Variants in ZBTB20 observed in about 807,000 individuals in gnomAD.
The protein encoded by ZBTB20 is zinc finger and BTB domain containing 20, also known as zinc finger and BTB domain-containing protein 20.
A neutral mutation model predicts 56.9 loss-of-function variants in ZBTB20; 9 were observed. That is an observed-to-expected ratio of 0.16 (90% CI 0.10 to 0.28). The LOEUF (loss-of-function observed/expected upper bound fraction) is 0.28, where lower values mean the gene tolerates loss of function less well. Among genes scored for constraint, ZBTB20 ranks in the 10% least tolerant of loss-of-function variants. The pLI is 1.00. For synonymous variants in ZBTB20, 417 were observed against 420.7 expected (o/e 0.99, Z 0.11); for missense variants, 655 against 1,003.0 (o/e 0.65, Z 4.69).
chr3:114,465,945 G>A (rs773353298), intron 7 of ZBTB20, among the ~76,000 whole-genome samples: 31 of 152,002 alleles, frequency 2.0e-4, no homozygotes, highest in Non-Finnish European at 4.4e-4. Flanking sequence ...GAGTATCCAG[G>A]ATTTCCTTTG....
At chr3:114,454,330 G>C (rs1220478225) in intron 7 of ZBTB20, among the ~76,000 whole-genome samples, 2 of 151,584 alleles carry the variant, frequency 1.3e-5, no homozygotes, top group Admixed American at 1.3e-4. Flanking sequence ...AATGAACTTG[G>C]GTAACCCCCC....
chr3:114,884,402 T>C (rs1446048682), intron 4 of ZBTB20, among the ~76,000 whole-genome samples: 1 of 152,218 alleles, frequency 6.6e-6, no homozygotes, highest in East Asian at 1.9e-4. Context: ...ATGTTCACAG[T>C]AGACGGCCTA....
intron 6 of ZBTB20, among the ~76,000 whole-genome samples, chr3:114,546,417 C>G (rs1352131120): frequency 3.3e-5 from 5 of 152,146 alleles, no homozygotes; most frequent in Non-Finnish European, 7.3e-5. Flanking sequence ...TGGTAGAACA[C>G]ATCTGAGACC....
chr3:115,115,024 C>A (rs1411846326), intron 1 of ZBTB20, among the ~76,000 whole-genome samples: 1 of 152,058 alleles, frequency 6.6e-6, no homozygotes, highest in African/African-American at 2.4e-5. Flanking sequence ...GGCCCATTCT[C>A]CATCTTATTA....
Position 114,338,961 on chromosome 3 carries a change from G to C in ZBTB20, c.*44C>G. 1 of 1,454,478 alleles carries C rather than the reference G, an allele frequency of 6.9e-7. No homozygotes were observed. Among genetic ancestry groups the C allele is most frequent in the Non-Finnish European group, 9.1e-7 (1 of 1,097,396 alleles). The allele number at this position is 1,454,478 out of a possible 1,614,324, so 90.1% of individuals were successfully genotyped here. A position where few individuals can be genotyped will look rare whatever the true frequency, so the allele number is the denominator to read the frequency against. On this transcript the variant is annotated 3_prime_UTR_variant, in exon 12 of 12. Transcript: ENST00000675478. Reference sequence around the variant, plus strand: ...TAGCTTTTTTGTTTGTTTGTTTTTTGTTGTTGTTTTGTTTTGTTCATAAGA... The same window carrying C: ...TAGCTTTTTTGTTTGTTTGTTTTTTCTTGTTGTTTTGTTTTGTTCATAAGA...
At chr3:115,046,763 G>A (rs1441864256) in intron 2 of ZBTB20, among the ~76,000 whole-genome samples, 1 of 152,110 alleles carries the variant, frequency 6.6e-6, no homozygotes, top group African/African-American at 2.4e-5. Flanking sequence ...GGGCAAGTCT[G>A]GTTCTCCATA....
chr3:114,390,478 G>A (rs1403716500), intron 7 of ZBTB20, among the ~76,000 whole-genome samples: 8 of 152,102 alleles, frequency 5.3e-5, no homozygotes, highest in Admixed American at 5.2e-4. Context: ...TAACCCTGAG[G>A]ACACCGAATT....
chr3:114,607,526 C>T (rs377600850), intron 6 of ZBTB20, among the ~76,000 whole-genome samples: 1 of 152,066 alleles, frequency 6.6e-6, no homozygotes. Context: ...TGGTCTCGAA[C>T]TCCCGACCTC....
intron 7 of ZBTB20, among the ~76,000 whole-genome samples, chr3:114,443,322 C>T (rs2091050598): frequency 6.6e-6 from 1 of 152,172 alleles, no homozygotes; most frequent in African/African-American, 2.4e-5. Flanking sequence ...GTGTAACAAG[C>T]TCATTAATCA....
rs572004312 is a variant in ZBTB20 at position 114,976,948 on chromosome 3, C to T, written c.-506-2532G>A. On this transcript the variant is annotated intron_variant, in intron 2 of 11. Transcript: ENST00000675478. ...TGAATATGAAAAAGTCACCATCTTT[C>T]GTATACCTGAATCAATCAAACTCTG... Among the ~76,000 whole-genome samples, 8 of 151,912 alleles carry T rather than the reference C, an allele frequency of 5.3e-5. No homozygotes were observed. The South Asian group carries it at 1.5e-3, about 28-fold the overall frequency.
intron 2 of ZBTB20, among the ~76,000 whole-genome samples, chr3:115,027,091 G>C (rs1012812142): frequency 6.6e-6 from 1 of 150,764 alleles, no homozygotes; most frequent in African/African-American, 2.4e-5. Flanking sequence ...CCTACATTTA[G>C]ACATTTAGGT....
At chr3:115,102,921 C>T (rs1009958289) in intron 1 of ZBTB20, 16 of 151,430 alleles carry the variant, frequency 1.1e-4, no homozygotes, top group Non-Finnish European at 1.2e-4. Flanking sequence ...ACCAAGATCA[C>T]ACCACTGCAC....
In ZBTB20 at chr3:114,822,686, AAT is replaced by A. The variant is rs368399696; in HGVS notation, c.-416-21514_-416-21513del. Among the ~76,000 whole-genome samples, 425 of 152,220 alleles carry A rather than the reference AAT, an allele frequency of 2.8e-3. 20 individuals are homozygous for A. The South Asian group carries it at 0.084, about 30-fold the overall frequency. The stretch of plus-strand genomic sequence containing the variant: ...CACCAAATGAGAAAATGAATGTGAA[AAT>A]ATGTTACATACTATAAAGCACCATA... On this transcript the variant is annotated intron_variant, in intron 4 of 11. Coordinates refer to ENST00000675478, the MANE Select transcript of ZBTB20 (RefSeq NM_001348800.3).
chr3:115,003,830 G>T (rs925800336), intron 2 of ZBTB20, among the ~76,000 whole-genome samples: 1 of 151,418 alleles, frequency 6.6e-6, no homozygotes, highest in Non-Finnish European at 1.5e-5. Flanking sequence ...ACAATCAGGT[G>T]GTTTGAATTT....
chr3:114,780,786 C>T (rs1366399279), intron 5 of ZBTB20, among the ~76,000 whole-genome samples: 3 of 151,968 alleles, frequency 2.0e-5, no homozygotes, highest in South Asian at 2.1e-4. Flanking sequence ...ACGCCTGGCC[C>T]GTAGTATCCA....
intron 1 of ZBTB20, among the ~76,000 whole-genome samples, chr3:115,098,721 A>G (rs2083470100): frequency 6.6e-6 from 1 of 152,200 alleles, no homozygotes. Flanking sequence ...TTTAATAAAC[A>G]TTTTACTAGG....
In ZBTB20 at chr3:114,494,706, C is replaced by T. The variant is rs1029808223; in HGVS notation, c.-255+5646G>A. 3.3e-5 allele frequency among the ~76,000 whole-genome samples: 5 copies of T among 152,260 alleles called. 1 individual carries two copies. The highest frequency in any genetic ancestry group is 1.2e-4 in the African/African-American group (5 of 41,540). On this transcript the variant is annotated intron_variant, in intron 7 of 11. Transcript: ENST00000675478. ...TGGAAAGTGTTGCTCATATGCAGATCCACATTTTCCTGTAAGAGAGCTTTT... is the reference window on the plus strand; with the variant it reads ...TGGAAAGTGTTGCTCATATGCAGATTCACATTTTCCTGTAAGAGAGCTTTT...
chr3:114,380,729 C>T (rs551691397), intron 9 of ZBTB20, 48 bp downstream of exon 9: 7 of 1,476,726 alleles, frequency 4.7e-6, no homozygotes, highest in Admixed American at 2.5e-5. Flanking sequence ...CCTCTTCCCC[C>T]CTTAGGAGTT....
chr3:115,101,380 G>GAA (rs997077229), intron 1 of ZBTB20, among the ~76,000 whole-genome samples: 83 of 152,162 alleles, frequency 5.5e-4, no homozygotes, highest in Admixed American at 2.4e-3. Context: ...CCAAAATTAT[G>GAA]ATGTTATTAT....
Sources: gnomAD v4.1 joint callset for allele counts (sites outside exome capture counted in the v4.1 genomes callset) on GRCh38, gnomAD v4.1.1 for gene constraint, MANE v1.5 for transcripts, NCBI Gene and HGNC (gene_info 2026-07-23, HGNC 2026-07-21) for gene names.